Variants in CAST observed in about 807,000 individuals in gnomAD.
CAST encodes calpastatin, also known as MIR583 host.
Under a neutral mutation model 119.6 loss-of-function variants are expected in CAST, and 76 were observed. The ratio of observed to expected loss-of-function variants is 0.64; its 90% CI spans 0.53 to 0.77. The LOEUF (loss-of-function observed/expected upper bound fraction) is 0.77. CAST is among the 30% of genes least tolerant of loss of function. The pLI, the probability that CAST is intolerant of heterozygous loss-of-function variation, is 0.00. For synonymous variants in CAST, 319 were observed against 331.6 expected, an observed-to-expected ratio of 0.96 and a Z score of 0.41; for missense variants, 953 against 946.5, an observed-to-expected ratio of 1.01 and a Z score of -0.09.
chr5:96,249,932 C>T, the CAST span, among the ~76,000 whole-genome samples: 8 of 152,214 alleles, frequency 5.3e-5, no homozygotes, highest in African/African-American at 1.2e-4. Flanking sequence ...CATGAGAAGC[C>T]GGAACTGGTT....
the CAST span, among the ~76,000 whole-genome samples, chr5:96,244,018 T>C: frequency 2.0e-5 from 3 of 152,204 alleles, no homozygotes; most frequent in African/African-American, 7.2e-5. Context: ...TGCACTCTTA[T>C]TATTCTTAAG....
the CAST span, among the ~76,000 whole-genome samples, chr5:95,991,509 T>G: frequency 2.1e-5 from 3 of 143,948 alleles, no homozygotes; most frequent in South Asian, 4.6e-4. Context: ...TTTTTTTTTT[T>G]TTTTTTTTTT....
chr5:96,116,719 C>T, the CAST span, among the ~76,000 whole-genome samples: 1 of 152,130 alleles, frequency 6.6e-6, no homozygotes, highest in Non-Finnish European at 1.5e-5. Context: ...TCATCATTTG[C>T]ATATTGTTCA....
chr5:96,154,229 G>C, the CAST span, among the ~76,000 whole-genome samples: 1 of 151,600 alleles, frequency 6.6e-6, no homozygotes, highest in East Asian at 1.9e-4. Flanking sequence ...AGTGAGCCAA[G>C]ATAGCGCCAC....
chr5:96,040,168 C>T, the CAST span, among the ~76,000 whole-genome samples: 2 of 152,104 alleles, frequency 1.3e-5, no homozygotes, highest in Middle Eastern at 3.2e-3. Flanking sequence ...ATTTGGCTCT[C>T]TGTTTGTCTG....
chr5:96,759,864 T>C (rs111794857), intron 24 of CAST, among the ~76,000 whole-genome samples: 489 of 152,126 alleles, frequency 3.2e-3, no homozygotes, highest in Middle Eastern at 6.8e-3. Flanking sequence ...ACTAATAAAA[T>C]TTAACATAAA....
chr5:96,486,546 G>C, the CAST span, among the ~76,000 whole-genome samples: 27 of 152,250 alleles, frequency 1.8e-4, no homozygotes, highest in South Asian at 5.2e-3. Context: ...GAACACTAAG[G>C]TTTCATATAG....
chr5:96,730,791 A>G lies in CAST; in HGVS notation c.561A>G (p.Gln187=). Residue 187 remains glutamine, a synonymous_variant, in exon 9 of 32, where the codon CAA becomes CAG. Transcript: ENST00000675179. ...CCTCACTGTCTTAGACTAAACCACA[A>G]GACATGATTTCTGCTGGTGGAGAGA... ...EKSTEPKTKP[Q]DMISAGGESV... is the part of the protein sequence containing the mutation. 2 of 1,613,714 alleles carry G rather than the reference A, an allele frequency of 1.2e-6. No individual in the cohort carries two copies. Among genetic ancestry groups the G allele is most frequent in the Non-Finnish European group, 1.7e-6 (2 of 1,179,596 alleles).
the CAST span, among the ~76,000 whole-genome samples, chr5:96,075,235 T>C: frequency 1.3e-5 from 2 of 152,338 alleles, no homozygotes; most frequent in East Asian, 3.9e-4. Context: ...TCCCATGAAA[T>C]GATTCAGTTC....
At chr5:96,514,058 AG>A in the CAST span, among the ~76,000 whole-genome samples, 1 of 152,128 alleles carries the variant, frequency 6.6e-6, no homozygotes, top group Non-Finnish European at 1.5e-5. Context: ...CAAGAACACC[AG>A]TCACGTTGGA....
chr5:96,197,951 G>A, the CAST span, among the ~76,000 whole-genome samples: 1 of 152,140 alleles, frequency 6.6e-6, no homozygotes, highest in Non-Finnish European at 1.5e-5. Context: ...TAGAGATGGG[G>A]TCTCACTATA....
At chr5:96,546,563 AAAG>A (rs1444778247) in intron 1 of CAST, 6 of 152,106 alleles carry the variant, frequency 3.9e-5, no homozygotes, top group African/African-American at 2.4e-5. Context: ...GAAAAAAAAA[AAAG>A]TGCTCCAAAA....
rs1440295864 is a variant in CAST at position 96,561,878 on chromosome 5, C to T, written c.60+31998C>T. 4.3e-4 allele frequency among the ~76,000 whole-genome samples: 60 copies of T among 137,982 alleles called. No individual in the cohort carries two copies. In the South Asian group the frequency reaches 0.01, roughly 24 times the overall value. The allele number at this position is 137,982 out of a possible 152,430, so 90.5% of individuals were successfully genotyped here. ...CGCGATCTCGGCTCACTGCAAGCTC[C>T]GCCTCCCAGGTTCACGCCATTCTCC... On this transcript the variant is annotated intron_variant, in intron 1 of 11. Coordinates refer to the CAST transcript ENST00000505143.
At chr5:95,989,829 C>T in the CAST span, among the ~76,000 whole-genome samples, 2 of 152,054 alleles carry the variant, frequency 1.3e-5, no homozygotes, top group Admixed American at 1.3e-4. Flanking sequence ...AAAGATGAAC[C>T]CATTCAGAAC....
chr5:96,046,085 C>T, the CAST span, among the ~76,000 whole-genome samples: 19 of 151,802 alleles, frequency 1.3e-4, no homozygotes, highest in South Asian at 2.7e-3. Flanking sequence ...CCCTGAGGTA[C>T]GTTTAGTAAG....
In CAST at chr5:96,574,215, G is replaced by A. The variant is rs1417504058; in HGVS notation, c.60+44335G>A. Among the ~76,000 whole-genome samples, 10 of 30,526 alleles carry A rather than the reference G, an allele frequency of 3.3e-4. 5 individuals carry two copies. Among genetic ancestry groups the A allele is most frequent in the Non-Finnish European group, 4.0e-4 (8 of 19,868 alleles). The allele number at this position is 30,526 out of a possible 152,430, so 20.0% of individuals were successfully genotyped here. ...TGGGACTACAGGCGCCCGCCACCGC[G>A]CCCGGCTAATTTTTTGTATTTTTAG... On this transcript the variant is annotated intron_variant, in intron 1 of 11. Coordinates refer to the CAST transcript ENST00000505143.
At chr5:96,357,717 G>A in the CAST span, among the ~76,000 whole-genome samples, 5 of 152,078 alleles carry the variant, frequency 3.3e-5, no homozygotes, top group African/African-American at 1.2e-4. Context: ...TTGTCGTGCT[G>A]CTAGATTTGG....
chr5:96,167,914 G>C, the CAST span, among the ~76,000 whole-genome samples: 1 of 152,224 alleles, frequency 6.6e-6, no homozygotes, highest in Non-Finnish European at 1.5e-5. Flanking sequence ...AACAATCCCT[G>C]AGGAGTAGTA....
At chr5:96,613,839 C>A (rs1747407644) in intron 1 of CAST, among the ~76,000 whole-genome samples, 1 of 152,230 alleles carries the variant, frequency 6.6e-6, no homozygotes, top group South Asian at 2.1e-4. Context: ...GTGGAGCCTG[C>A]AAATATTTAG....
Sources: gnomAD v4.1 joint callset for allele counts (sites outside exome capture counted in the v4.1 genomes callset) on GRCh38, gnomAD v4.1.1 for gene constraint, MANE v1.5 for transcripts, NCBI Gene and HGNC (gene_info 2026-07-23, HGNC 2026-07-21) for gene names.